The following PRDM2 variants were observed in gnomAD, a reference collection of about 807,000 sequenced individuals.
The protein encoded by PRDM2 is PR/SET domain 2.
PRDM2 carries 30 observed loss-of-function variants against 130.0 expected under a neutral mutation model. The observed-to-expected ratio is 0.23, with a 90% confidence interval of 0.17 to 0.31. The LOEUF is 0.31. PRDM2 is among the 10% of genes least tolerant of loss of function. PRDM2 has a pLI of 1.00. For synonymous variants in PRDM2, 871 were observed against 782.4 expected, an observed-to-expected ratio of 1.11 and a Z score of -1.89; for missense variants, 2,011 against 2,108.4, an observed-to-expected ratio of 0.95 and a Z score of 0.90.
At chr1:13,754,099 TAAGTGACACAGG>T (rs1643894893) in intron 6 of PRDM2, among the ~76,000 whole-genome samples, 1 of 152,040 alleles carries the variant, frequency 6.6e-6, no homozygotes. Flanking sequence ...GGTTGTGACA[TAAGTGACACAGG>T]AAGTTCTAGG....
intron 8 of PRDM2, among the ~76,000 whole-genome samples, chr1:13,797,015 CAA>C (rs1269103637): frequency 6.6e-6 from 1 of 152,194 alleles, no homozygotes; most frequent in Non-Finnish European, 1.5e-5. Context: ...AGTTCTGAAA[CAA>C]GAGTTTCCTT....
At position 13,780,631 on chromosome 1, in the gene PRDM2, C is replaced by T; in HGVS notation, c.2836C>T (p.Pro946Ser). ...TGTTGAGTCCACACCTGATGTTTGT[C>T]CTTCATCACCTGCCCTGCAGACACC... ...PTVESTPDVCPSSPALQTPSL... is the reference protein window; with the variant it reads ...PTVESTPDVCSSSPALQTPSL... Residue 946 changes from proline (P) to serine (S), a missense_variant, in exon 8 of 10, where the codon CCT (proline) becomes TCT (serine). Transcript: ENST00000311066. The T allele has an allele frequency of 6.2e-7, 1 of 1,613,772 alleles. No individual in the cohort carries two copies. Among genetic ancestry groups the T allele is most frequent in the South Asian group, 1.1e-5 (1 of 91,052 alleles).
rs369373236 is a variant in PRDM2 at position 13,781,016 on chromosome 1, C to G, written c.3221C>G (p.Ser1074Cys). 6.2e-7 allele frequency: 1 copy of G among 1,604,862 alleles called. No homozygotes were observed. Among genetic ancestry groups the G allele is most frequent in the Non-Finnish European group, 8.5e-7 (1 of 1,171,790 alleles). ...TCTTCATCTTCCTCCTCTTCTCCTT[C>G]TCCACCTCCTCTCTCCGCAATATCA... ...FSSSSSSSSP[S>C]PPPLSAISSV... The change falls in exon 8 of 10, where the codon TCT becomes TGT. Residue 1074 changes from serine to cysteine, a missense_variant. Physicochemically the swap from Ser to Cys is moderately radical, Grantham distance 112. Coordinates refer to ENST00000311066, the MANE Select transcript of PRDM2 (RefSeq NM_001393986.1). This position sits in a 1 kb window ranked among gnomAD's most constrained non-coding sequence, Gnocchi z 6.1.
intron 8 of PRDM2, among the ~76,000 whole-genome samples, chr1:13,815,194 C>T (rs1255830271): frequency 6.6e-6 from 1 of 152,240 alleles, no homozygotes. Flanking sequence ...GCAACCTCTG[C>T]CTCCCGGGTT....
chr1:13,808,836 A>G (rs1645127381), intron 8 of PRDM2, among the ~76,000 whole-genome samples: 1 of 152,182 alleles, frequency 6.6e-6, no homozygotes, highest in Non-Finnish European at 1.5e-5. Flanking sequence ...TCGCAGATGC[A>G]TGAGAAACTG....
At chr1:13,764,477 A>T (rs992811786) in intron 6 of PRDM2, among the ~76,000 whole-genome samples, 3 of 152,202 alleles carry the variant, frequency 2.0e-5, no homozygotes, top group Non-Finnish European at 4.4e-5. Flanking sequence ...GAAGGTAAGG[A>T]AACTTAATGC....
At chr1:13,758,395 C>T (rs1288570359) in intron 6 of PRDM2, among the ~76,000 whole-genome samples, 2 of 148,794 alleles carry the variant, frequency 1.3e-5, no homozygotes, top group East Asian at 2.0e-4. Flanking sequence ...TGCAGTGAGC[C>T]GAGATCGCAC....
chr1:13,818,826 G>A (rs1215651936), intron 9 of PRDM2, among the ~76,000 whole-genome samples: 1 of 152,098 alleles, frequency 6.6e-6, no homozygotes, highest in Non-Finnish European at 1.5e-5. Context: ...GTCTCTCTGG[G>A]GCCGGCTGCT....
chr1:13,701,571 G>T (rs1289293153), intron 1 of PRDM2, among the ~76,000 whole-genome samples: 4 of 151,472 alleles, frequency 2.6e-5, no homozygotes, highest in Non-Finnish European at 4.4e-5. Context: ...GGTCCAAACT[G>T]CCCCATCACT....
intron 2 of PRDM2, among the ~76,000 whole-genome samples, chr1:13,728,722 A>C (rs907025529): frequency 3.3e-5 from 5 of 152,250 alleles, no homozygotes; most frequent in Non-Finnish European, 7.3e-5. Flanking sequence ...AAAAAAAGAC[A>C]AAAAATAATG....
Position 13,719,569 on chromosome 1 carries a change from G to C in PRDM2, c.9+3955G>C, listed in dbSNP as rs1642656192. On this transcript the variant is annotated intron_variant, in intron 2 of 9. Coordinates refer to ENST00000311066, the MANE Select transcript of PRDM2 (RefSeq NM_001393986.1). Reference sequence around the variant, plus strand: ...CTACTGAGATTAACACCATGCTTTAGGACAGTTTCTTCAGTTGGACGACTT... The same window carrying C: ...CTACTGAGATTAACACCATGCTTTACGACAGTTTCTTCAGTTGGACGACTT... 2.0e-5 allele frequency among the ~76,000 whole-genome samples: 3 copies of C among 152,174 alleles called. No homozygotes were observed. The South Asian group carries it at 6.2e-4, about 32-fold the overall frequency.
Position 13,780,572 on chromosome 1 carries a change from A to G in PRDM2, c.2777A>G (p.Asp926Gly). The G allele has an allele frequency of 6.2e-7, 1 of 1,614,080 alleles. No homozygotes were observed. The highest frequency in any genetic ancestry group is 8.5e-7 in the Non-Finnish European group (1 of 1,180,006). The change falls in exon 8 of 10, where the codon GAC becomes GGC. Residue 926 changes from aspartate to glycine, a missense_variant. Physicochemically the swap from Asp to Gly is moderately conservative, Grantham distance 94. This residue lies in a region of PRDM2 where 1,288 missense variants were observed against 1,237.7 expected (regional missense o/e 1.04). Transcript: ENST00000311066. ...CKSLEAQPDP[D>G]LGPGSGFPAP... is the part of the protein sequence containing the mutation. The stretch of plus-strand genomic sequence containing the variant: ...TCCCTAGAAGCTCAGCCAGATCCTG[A>G]CCTCGGTCCGGGCTCTGGTTTCCCT...
chr1:13,769,350 T>C (rs1301543577), intron 6 of PRDM2, among the ~76,000 whole-genome samples: 3 of 152,180 alleles, frequency 2.0e-5, no homozygotes, highest in African/African-American at 7.2e-5. Flanking sequence ...AGTACTGGTT[T>C]AAGGAAATGT....
Position 13,796,691 on chromosome 1 carries a change from G to A in PRDM2, c.5036+13860G>A, listed in dbSNP as rs116103968. On this transcript the variant is annotated intron_variant, in intron 8 of 9. Transcript: ENST00000311066. Reference sequence around the variant, plus strand: ...TGTTTAAGCCCAGGAAGCCAAGGCCGCAGTGAGCTATGATTGCACCACTGT... The same window carrying A: ...TGTTTAAGCCCAGGAAGCCAAGGCCACAGTGAGCTATGATTGCACCACTGT... Among the ~76,000 whole-genome samples, 951 of 152,290 alleles carry A rather than the reference G, an allele frequency of 6.2e-3. 7 individuals carry two copies. The highest frequency in any genetic ancestry group is 9.7e-3 in the Non-Finnish European group (661 of 68,012).
chr1:13,798,242 T>G (rs1324195073), intron 8 of PRDM2, among the ~76,000 whole-genome samples: 1 of 152,216 alleles, frequency 6.6e-6, no homozygotes, highest in Non-Finnish European at 1.5e-5. Flanking sequence ...CCGCTCCGCC[T>G]CAGTGACCTA....
chr1:13,733,514 C>T (rs959103697), intron 4 of PRDM2, among the ~76,000 whole-genome samples: 4 of 152,190 alleles, frequency 2.6e-5, no homozygotes, highest in African/African-American at 7.2e-5. Context: ...GAATGCATCT[C>T]TCCTGCCTCA....
intron 6 of PRDM2, 119 bp downstream of exon 6, chr1:13,749,606 G>T: frequency 1.7e-6 from 1 of 580,624 alleles, no homozygotes; most frequent in Non-Finnish European, 2.2e-6. Context: ...GGGCGGCGGC[G>T]CCCGCGGCAT....
chr1:13,749,265 T>A (rs1247378469), intron 5 of PRDM2, 96 bp from the exon 6 acceptor site: 4 of 1,161,476 alleles, frequency 3.4e-6, no homozygotes, highest in African/African-American at 1.7e-5. Flanking sequence ...CTGTTTGCCA[T>A]CGGCGCCGCT....
Position 13,778,995 on chromosome 1 carries a change from C to T in PRDM2, c.1200C>T (p.Gly400=). ...FKCKYCGKAF[G]TQINRRRHER... ...GCAAGTACTGTGGGAAAGCCTTTGG[C>T]ACACAGATTAACCGGCGGCGACATG... Residue 400 remains glycine (G), a synonymous_variant, in exon 8 of 10, where the codon GGC becomes GGT. Transcript: ENST00000311066. 3 of 1,614,192 alleles carry T rather than the reference C, an allele frequency of 1.9e-6. No homozygotes were observed. The highest frequency in any genetic ancestry group is 2.5e-6 in the Non-Finnish European group (3 of 1,180,034).
Sources: gnomAD v4.1 joint callset for allele counts (sites outside exome capture counted in the v4.1 genomes callset) on GRCh38, gnomAD v4.1.1 for gene constraint, gnomAD v4.1.1 regional missense constraint, Gnocchi (gnomAD v3.1) non-coding constraint, MANE v1.5 for transcripts, NCBI Gene and HGNC (gene_info 2026-07-23, HGNC 2026-07-21) for gene names.